The following NEK11 variants were observed in gnomAD, a reference collection of about 807,000 sequenced individuals.
NEK11 encodes the protein NIMA related kinase 11.
In NEK11, 72 loss-of-function variants were observed where a neutral mutation model predicts 80.7. That is an observed-to-expected ratio of 0.89 (90% CI 0.74 to 1.08). The LOEUF (loss-of-function observed/expected upper bound fraction) is 1.08. Ranked by LOEUF, NEK11 falls within the 50% of genes least tolerant of loss-of-function variation. NEK11 has a pLI of 0.00. For missense variants in NEK11, 764 were observed against 763.6 expected, an observed-to-expected ratio of 1.00 and a Z score of -0.01; for synonymous variants, 251 against 260.7, an observed-to-expected ratio of 0.96 and a Z score of 0.36.
intron 16 of NEK11, among the ~76,000 whole-genome samples, chr3:131,263,230 C>G (rs906690331): frequency 2.6e-5 from 4 of 152,100 alleles, no homozygotes; most frequent in African/African-American, 9.7e-5. Flanking sequence ...TGTTCTCCAC[C>G]CTGTGTCCAA....
chr3:131,276,110 A>T (rs2096286017), intron 17 of NEK11, among the ~76,000 whole-genome samples: 1 of 152,186 alleles, frequency 6.6e-6, no homozygotes, highest in Non-Finnish European at 1.5e-5. Context: ...AGGTCAGCAG[A>T]TTTGGTGTCT....
chr3:131,168,303 A>C (rs939611091), intron 12 of NEK11, among the ~76,000 whole-genome samples: 1 of 151,406 alleles, frequency 6.6e-6, no homozygotes, highest in African/African-American at 2.4e-5. Flanking sequence ...TTCTGATTCA[A>C]TTAGTCCAGG....
In NEK11 at chr3:131,165,604, G is replaced by C. The variant is rs144131640; in HGVS notation, c.1176+85G>C. 1,513 of 794,372 alleles carry C rather than the reference G, an allele frequency of 1.9e-3. 21 individuals carry two copies. The African/African-American group carries it at 0.023, about 12-fold the overall frequency. 49.2% of individuals were successfully genotyped at this position (794,372 alleles called of 1,614,324 possible). On this transcript the variant is annotated intron_variant, in intron 12 of 17. Coordinates refer to ENST00000383366, the MANE Select transcript of NEK11 (RefSeq NM_024800.5). Reference sequence around the variant, plus strand: ...GATGATTGGGTAGGAAAAGGGACAAGGGAGAAAACAAGAACATCCAGATTA... The same window carrying C: ...GATGATTGGGTAGGAAAAGGGACAACGGAGAAAACAAGAACATCCAGATTA...
chr3:131,155,243 C>A, intron 10 of NEK11, 122 bp downstream of exon 10: 2 of 653,936 alleles, frequency 3.1e-6, no homozygotes, highest in Non-Finnish European at 5.2e-6. Context: ...TTAAGTCTTG[C>A]CAAGAAATTA....
chr3:131,191,503 A>G (rs1470669733), intron 14 of NEK11, among the ~76,000 whole-genome samples: 1 of 152,150 alleles, frequency 6.6e-6, no homozygotes, highest in African/African-American at 2.4e-5. Context: ...GACTCTTATA[A>G]TTATATTGGG....
At position 131,270,815 on chromosome 3, in the gene NEK11, T is replaced by G. The variant is rs545105265; in HGVS notation, c.1622-2663T>G. 7.9e-5 allele frequency among the ~76,000 whole-genome samples: 12 copies of G among 152,306 alleles called. 1 individual carries two copies. Among genetic ancestry groups the G allele is most frequent in the Admixed American group, 7.8e-4 (12 of 15,292 alleles). ...AACTGCAGCTCTCCTGGAAATTGCT[T>G]TGACCTTTATTTGCATAAGTCTTCA... On this transcript the variant is annotated intron_variant, in intron 16 of 17. Coordinates refer to ENST00000383366, the MANE Select transcript of NEK11 (RefSeq NM_024800.5).
At chr3:131,126,183 T>C (rs2083294845) in intron 5 of NEK11, among the ~76,000 whole-genome samples, 1 of 152,204 alleles carries the variant, frequency 6.6e-6, no homozygotes, top group Admixed American at 6.5e-5. Flanking sequence ...ACTTCCTTTA[T>C]GTACCCCACA....
intron 16 of NEK11, among the ~76,000 whole-genome samples, chr3:131,251,764 T>C (rs1025469233): frequency 2.0e-5 from 3 of 152,054 alleles, no homozygotes; most frequent in African/African-American, 7.2e-5. Context: ...ATGACTATGA[T>C]GACCTCTTAT....
intron 2 of NEK11, among the ~76,000 whole-genome samples, chr3:131,028,657 G>GATCACGCTA (rs1385155369): frequency 6.6e-6 from 1 of 152,050 alleles, no homozygotes; most frequent in Non-Finnish European, 1.5e-5. Context: ...CGCCTCCTGG[G>GATCACGCTA]TTCACGCTAT....
At chr3:131,245,820 TTTTG>T (rs1473192658) in intron 16 of NEK11, among the ~76,000 whole-genome samples, 6 of 152,008 alleles carry the variant, frequency 3.9e-5, no homozygotes, top group Non-Finnish European at 5.9e-5. Context: ...TTTTTTGTTT[TTTTG>T]TTTGTTTGTT....
intron 3 of NEK11, among the ~76,000 whole-genome samples, chr3:131,047,302 G>A (rs551671964): frequency 6.6e-6 from 1 of 152,088 alleles, no homozygotes; most frequent in Non-Finnish European, 1.5e-5. Flanking sequence ...TTCTTGGTTC[G>A]GATCTGTTGC....
intron 17 of NEK11, among the ~76,000 whole-genome samples, chr3:131,305,078 C>T (rs1410280818): frequency 6.6e-6 from 1 of 151,274 alleles, no homozygotes; most frequent in Non-Finnish European, 1.5e-5. Flanking sequence ...GTGGTGGCAG[C>T]ATGGTGGGGT....
chr3:131,302,940 G>A (rs1178833238), intron 17 of NEK11, among the ~76,000 whole-genome samples: 3 of 152,034 alleles, frequency 2.0e-5, no homozygotes, highest in African/African-American at 7.3e-5. Context: ...CTGTCAGTGG[G>A]GTGTTGAAGT....
At chr3:131,118,935 T>A (rs2081850677) in intron 5 of NEK11, among the ~76,000 whole-genome samples, 1 of 152,204 alleles carries the variant, frequency 6.6e-6, no homozygotes, top group South Asian at 2.1e-4. Flanking sequence ...CTGGATTGAT[T>A]GATTTTTTGA....
intron 4 of NEK11, among the ~76,000 whole-genome samples, chr3:131,098,836 T>G (rs1042895136): frequency 2.6e-5 from 4 of 152,004 alleles, no homozygotes; most frequent in Non-Finnish European, 5.9e-5. Context: ...TTTTTTTTTT[T>G]CTTCCTTGTT....
chr3:131,299,272 C>T (rs1020641573), intron 17 of NEK11, among the ~76,000 whole-genome samples: 2 of 152,148 alleles, frequency 1.3e-5, no homozygotes, highest in African/African-American at 2.4e-5. Context: ...ACAGTGGTGC[C>T]ATCTCAGCTC....
rs370493721 is a variant in NEK11 at position 131,110,293 on chromosome 3, C to T, written c.455+372C>T. Among the ~76,000 whole-genome samples, 27 of 152,112 alleles carry T rather than the reference C, an allele frequency of 1.8e-4. 1 individual carries two copies. In the South Asian group the frequency reaches 5.2e-3, roughly 29 times the overall value. ...TTGAGTTGTAAATACCTTAGTATGCCACAAATGAATTGTGTGGTCGCCTTG... is the reference window on the plus strand; with the variant it reads ...TTGAGTTGTAAATACCTTAGTATGCTACAAATGAATTGTGTGGTCGCCTTG... On this transcript the variant is annotated intron_variant, in intron 5 of 17. Coordinates refer to ENST00000383366, the MANE Select transcript of NEK11 (RefSeq NM_024800.5).
chr3:131,290,454 G>T (rs2096532271), intron 17 of NEK11, among the ~76,000 whole-genome samples: 1 of 152,218 alleles, frequency 6.6e-6, no homozygotes, highest in Non-Finnish European at 1.5e-5. Flanking sequence ...GTTCTCCATG[G>T]TGAAAATCAG....
intron 4 of NEK11, among the ~76,000 whole-genome samples, chr3:131,087,347 A>G (rs1050819663): frequency 1.3e-5 from 2 of 149,266 alleles, no homozygotes; most frequent in African/African-American, 4.9e-5. Flanking sequence ...AGGTTCAAGC[A>G]ATTCTCCTGC....
Sources: allele counts gnomAD v4.1 joint callset (sites outside exome capture counted in the v4.1 genomes callset), GRCh38; gene constraint gnomAD v4.1.1; transcripts MANE v1.5; gene names NCBI Gene and HGNC (gene_info 2026-07-23, HGNC 2026-07-21).